The following CHRM3 variants were observed in gnomAD, a reference collection of about 807,000 sequenced individuals.
CHRM3 encodes the protein cholinergic receptor muscarinic 3.
A neutral mutation model predicts 41.8 loss-of-function variants in CHRM3; 11 were observed. That is an observed-to-expected ratio of 0.26 (90% CI 0.17 to 0.44). The LOEUF is 0.44. CHRM3 is among the 20% of genes least tolerant of loss of function. The pLI is 1.00. For synonymous variants in CHRM3, 297 were observed against 301.4 expected (o/e 0.99, Z 0.15); for missense variants, 571 against 745.4 (o/e 0.77, Z 2.72).
chr1:239,610,967 G>T (rs999625563), intron 3 of CHRM3, among the ~76,000 whole-genome samples: 1 of 152,044 alleles, frequency 6.6e-6, no homozygotes, highest in Non-Finnish European at 1.5e-5. Context: ...CAGGAGAATC[G>T]CTTGAACCGG....
chr1:239,803,630 A>C (rs1370892468), intron 5 of CHRM3, among the ~76,000 whole-genome samples: 1 of 152,194 alleles, frequency 6.6e-6, no homozygotes, highest in African/African-American at 2.4e-5. Flanking sequence ...AGATCTGATC[A>C]TGTCAAGTTT....
At chr1:239,481,427 T>C (rs1472645169) in intron 1 of CHRM3, among the ~76,000 whole-genome samples, 1 of 152,270 alleles carries the variant, frequency 6.6e-6, no homozygotes, top group Non-Finnish European at 1.5e-5. Flanking sequence ...CTTTTTTCAA[T>C]GTAAAAATAT....
chr1:239,851,398 G>A (rs890034141), intron 6 of CHRM3, among the ~76,000 whole-genome samples: 2 of 152,146 alleles, frequency 1.3e-5, no homozygotes, highest in Admixed American at 6.6e-5. Flanking sequence ...TATAAGTAAA[G>A]CATTTTATTT....
At chr1:239,856,117 C>G (rs1157051452) in intron 6 of CHRM3, among the ~76,000 whole-genome samples, 1 of 152,116 alleles carries the variant, frequency 6.6e-6, no homozygotes, top group Non-Finnish European at 1.5e-5. Context: ...GCTAACTGTC[C>G]TATCTCTATG....
intron 6 of CHRM3, among the ~76,000 whole-genome samples, chr1:239,861,969 C>G (rs1384948781): frequency 6.6e-6 from 1 of 152,106 alleles, no homozygotes; most frequent in African/African-American, 2.4e-5. Flanking sequence ...GCTGTCTGTG[C>G]AGTTTGTACT....
intron 5 of CHRM3, among the ~76,000 whole-genome samples, chr1:239,688,633 T>C (rs1367004687): frequency 7.5e-6 from 1 of 132,492 alleles, no homozygotes; most frequent in Non-Finnish European, 1.6e-5. Context: ...GTATAATACA[T>C]AATATATATA....
rs888330885 is a variant in CHRM3, at chr1:239,914,008, C to A, written c.*4784C>A. 6.0e-6 allele frequency: 1 copy of A among 166,930 alleles called. No homozygotes were observed. Among genetic ancestry groups the A allele is most frequent in the African/African-American group, 2.4e-5 (1 of 41,398 alleles). 10.3% of individuals were successfully genotyped at this position (166,930 alleles called of 1,614,324 possible). On this transcript the variant is annotated 3_prime_UTR_variant, in exon 7 of 7. Coordinates refer to ENST00000676153, the MANE Select transcript of CHRM3 (RefSeq NM_001375978.1). The stretch of plus-strand genomic sequence containing the variant: ...TCATCTAGAGAATCAAAGGGGCTCA[C>A]ATCTCAGTTGCATTCTATTTAAAAG...
intron 6 of CHRM3, among the ~76,000 whole-genome samples, chr1:239,885,857 A>G (rs1418191843): frequency 3.3e-5 from 5 of 152,078 alleles, no homozygotes; most frequent in African/African-American, 7.2e-5. Context: ...ACTGGGTGAA[A>G]ATATTTATCC....
intron 4 of CHRM3, among the ~76,000 whole-genome samples, chr1:239,666,525 A>G (rs968057167): frequency 2.0e-5 from 3 of 151,952 alleles, no homozygotes; most frequent in Admixed American, 1.3e-4. Context: ...CATCAATAAT[A>G]TCTCACAATT....
intron 3 of CHRM3, among the ~76,000 whole-genome samples, chr1:239,584,740 A>C (rs2148606816): frequency 6.6e-6 from 1 of 152,222 alleles, no homozygotes; most frequent in South Asian, 2.1e-4. Context: ...GCCCCCACAA[A>C]GTGCCAAGTG....
intron 3 of CHRM3, among the ~76,000 whole-genome samples, chr1:239,548,438 A>G (rs1659497782): frequency 6.6e-6 from 1 of 152,234 alleles, no homozygotes; most frequent in African/African-American, 2.4e-5. Flanking sequence ...AGTCTTTCAC[A>G]TATAAATTTA....
At chr1:239,427,779 G>A (rs961048570) in intron 1 of CHRM3, among the ~76,000 whole-genome samples, 2 of 151,988 alleles carry the variant, frequency 1.3e-5, no homozygotes, top group African/African-American at 2.4e-5. Context: ...GGAGGATCCT[G>A]AGAAGTGACA....
At chr1:239,799,212 C>A (rs1439114249) in intron 5 of CHRM3, among the ~76,000 whole-genome samples, 2 of 152,138 alleles carry the variant, frequency 1.3e-5, no homozygotes, top group African/African-American at 4.8e-5. Context: ...GGACCGGGAA[C>A]TTAACAGGTC....
chr1:239,769,403 TAGAC>T (rs202046356), intron 5 of CHRM3, among the ~76,000 whole-genome samples: 1,923 of 152,328 alleles, frequency 0.013, 37 homozygotes, highest in African/African-American at 0.043. Flanking sequence ...CAGGATTTCA[TAGAC>T]AGAGAGCCCC....
intron 4 of CHRM3, among the ~76,000 whole-genome samples, chr1:239,643,204 T>C (rs560902300): frequency 2.6e-5 from 4 of 152,232 alleles, no homozygotes; most frequent in Non-Finnish European, 5.9e-5. Context: ...TTAGGCTGCT[T>C]GGGGGTCAAG....
chr1:239,890,033 A>T (rs755535643), intron 6 of CHRM3, among the ~76,000 whole-genome samples: 3 of 152,108 alleles, frequency 2.0e-5, no homozygotes, highest in Non-Finnish European at 4.4e-5. Context: ...ACAAATGGAG[A>T]GTCAGGCATG....
At chr1:239,610,935 C>CCAG (rs2148747904) in intron 3 of CHRM3, among the ~76,000 whole-genome samples, 1 of 152,142 alleles carries the variant, frequency 6.6e-6, no homozygotes, top group African/African-American at 2.4e-5. Context: ...ACCTGTCATC[C>CCAG]CAGCTACTCG....
chr1:239,798,202 T>A (rs1669944589), intron 5 of CHRM3, among the ~76,000 whole-genome samples: 1 of 152,208 alleles, frequency 6.6e-6, no homozygotes. Context: ...TGTAAGAATA[T>A]AGTATATAAC....
intron 1 of CHRM3, among the ~76,000 whole-genome samples, chr1:239,490,988 C>A (rs1667514405): frequency 6.6e-6 from 1 of 152,092 alleles, no homozygotes; most frequent in Admixed American, 6.6e-5. Flanking sequence ...TGATTTTTCC[C>A]CTTGGCCTCC....
Sources: gnomAD v4.1 joint callset for allele counts (sites outside exome capture counted in the v4.1 genomes callset) on GRCh38, gnomAD v4.1.1 for gene constraint, MANE v1.5 for transcripts, NCBI Gene and HGNC (gene_info 2026-07-23, HGNC 2026-07-21) for gene names.